SEC24B: variants seen among roughly 807,000 people sequenced by gnomAD.
SEC24B encodes the protein SEC24 homolog B, COPII component.
SEC24B carries 45 observed loss-of-function variants against 142.8 expected under a neutral mutation model. The ratio of observed to expected loss-of-function variants is 0.32; its 90% CI spans 0.25 to 0.40. SEC24B has a LOEUF of 0.40. Ranked by LOEUF, SEC24B falls within the 10% of genes least tolerant of loss-of-function variation. The pLI is 1.00. For synonymous variants in SEC24B, 574 were observed against 568.2 expected, an observed-to-expected ratio of 1.01 and a Z score of -0.15; for missense variants, 1,409 against 1,526.8, an observed-to-expected ratio of 0.92 and a Z score of 1.29.
intron 6 of SEC24B, among the ~76,000 whole-genome samples, chr4:109,499,397 C>A (rs1217462558): frequency 1.3e-5 from 2 of 152,032 alleles, no homozygotes; most frequent in Admixed American, 6.5e-5. Flanking sequence ...CTTCTGTGAT[C>A]CCAGTTAAGA....
chr4:109,494,779 C>G lies in SEC24B; in HGVS notation c.1411C>G (p.Gln471Glu). The G allele has an allele frequency of 6.2e-7, 1 of 1,614,178 alleles. No homozygotes were observed. The highest frequency in any genetic ancestry group is 2.2e-5 in the East Asian group (1 of 44,880). The change falls in exon 6 of 24, where the codon CAG becomes GAG. Residue 471 changes from glutamine (Q) to glutamate (E), a missense_variant. By Grantham distance (29) the Gln-to-Glu change is conservative. Coordinates refer to ENST00000265175, the MANE Select transcript of SEC24B (RefSeq NM_006323.5). Reference protein sequence around the residue: ...YGYPTLQPGYQNATAPLISGV... With the variant: ...YGYPTLQPGYENATAPLISGV... ...CTATCCAACACTTCAGCCTGGTTAT[C>G]AGAATGCTACAGCACCACTTATTTC...
intron 1 of SEC24B, among the ~76,000 whole-genome samples, chr4:109,458,218 T>G (rs1460213517): frequency 2.0e-5 from 3 of 152,218 alleles, no homozygotes; most frequent in Admixed American, 6.5e-5. Context: ...TTTATTTGTT[T>G]TATTTTGAAT....
At chr4:109,450,286 A>G (rs1053628996) in intron 1 of SEC24B, among the ~76,000 whole-genome samples, 9 of 152,178 alleles carry the variant, frequency 5.9e-5, no homozygotes, top group Non-Finnish European at 1.0e-4. Flanking sequence ...TTGTGGGCTT[A>G]TGTTCAAATC....
chr4:109,534,410 C>G (rs545705036), intron 22 of SEC24B, among the ~76,000 whole-genome samples: 2 of 151,878 alleles, frequency 1.3e-5, no homozygotes, highest in South Asian at 4.2e-4. Flanking sequence ...CACGGTGAAA[C>G]CCCATCTCTA....
intron 19 of SEC24B, among the ~76,000 whole-genome samples, 199 bp from the exon 20 acceptor site, chr4:109,531,186 A>G (rs537909103): frequency 1.3e-5 from 2 of 152,208 alleles, no homozygotes; most frequent in African/African-American, 4.8e-5. Flanking sequence ...TATTTTTCTC[A>G]TGATGACAGT....
chr4:109,521,464 T>C lies in SEC24B; in HGVS notation c.2346T>C (p.Asn782=). The C allele has an allele frequency of 1.9e-6, 3 of 1,614,166 alleles. No homozygotes were observed. Among genetic ancestry groups the C allele is most frequent in the Non-Finnish European group, 2.5e-6 (3 of 1,180,020 alleles). The change falls in exon 14 of 24, where the codon AAT becomes AAC. Residue 782 remains asparagine (N), a synonymous_variant. Coordinates refer to ENST00000265175, the MANE Select transcript of SEC24B (RefSeq NM_006323.5). The stretch of plus-strand genomic sequence containing the variant: ...ATGCATTACCAAACATGTTCACCAA[T>C]ACAAGAGAAACACACAGTGCCCTTG... The part of the protein sequence containing the change: ...LLNALPNMFT[N]TRETHSALGP...
intron 2 of SEC24B, among the ~76,000 whole-genome samples, chr4:109,468,008 G>A (rs905403350): frequency 6.6e-6 from 1 of 152,212 alleles, no homozygotes; most frequent in African/African-American, 2.4e-5. Context: ...TATAGTCACT[G>A]ATAAGTTAAT....
intron 1 of SEC24B, among the ~76,000 whole-genome samples, chr4:109,452,773 A>T (rs921526692): frequency 6.6e-6 from 1 of 152,158 alleles, no homozygotes; most frequent in African/African-American, 2.4e-5. Flanking sequence ...TTCTTAGTGT[A>T]TTCTGGATAC....
intron 6 of SEC24B, among the ~76,000 whole-genome samples, chr4:109,497,621 C>CAT (rs1735669712): frequency 1.3e-5 from 2 of 151,142 alleles, no homozygotes; most frequent in East Asian, 3.9e-4. Flanking sequence ...TTTTGCTCAA[C>CAT]ATTATGCTTA....
chr4:109,449,455 C>T (rs1333916676), intron 1 of SEC24B: 1 of 448,350 alleles, frequency 2.2e-6, no homozygotes, highest in South Asian at 1.6e-5. Flanking sequence ...TAGTCTTGAA[C>T]TCCTGGACCC....
At chr4:109,435,492 G>T (rs1233536847) in intron 1 of SEC24B, among the ~76,000 whole-genome samples, 2 of 152,180 alleles carry the variant, frequency 1.3e-5, no homozygotes, top group Non-Finnish European at 2.9e-5. Context: ...GTGATTCAAG[G>T]ATTGTGTCTT....
intron 14 of SEC24B, among the ~76,000 whole-genome samples, chr4:109,521,920 C>T (rs932204771): frequency 1.1e-4 from 17 of 151,516 alleles, no homozygotes; most frequent in Non-Finnish European, 1.8e-4. Flanking sequence ...TTAGTAGAGA[C>T]GGGGGTTTCA....
chr4:109,500,890 C>T (rs941490490), intron 6 of SEC24B, among the ~76,000 whole-genome samples: 3 of 152,090 alleles, frequency 2.0e-5, no homozygotes, highest in Admixed American at 6.5e-5. Flanking sequence ...AACTCTGGAC[C>T]TCAGGTGATC....
intron 2 of SEC24B, among the ~76,000 whole-genome samples, chr4:109,468,650 G>A (rs1432044542): frequency 6.6e-6 from 1 of 152,198 alleles, no homozygotes; most frequent in Non-Finnish European, 1.5e-5. Context: ...AAACGAGCTG[G>A]AAAGGAATTA....
intron 4 of SEC24B, among the ~76,000 whole-genome samples, chr4:109,482,975 T>TACACACACACACAC (rs1213872850): frequency 1.8e-5 from 1 of 54,976 alleles, no homozygotes; most frequent in African/African-American, 9.3e-5. Flanking sequence ...TATATATATA[T>TACACACACACACAC]ATATACACAC....
intron 5 of SEC24B, among the ~76,000 whole-genome samples, chr4:109,491,623 T>G (rs2126003999): frequency 6.6e-6 from 1 of 152,348 alleles, no homozygotes; most frequent in East Asian, 1.9e-4. Flanking sequence ...GTTATAATAC[T>G]CTTTATCTTT....
At chr4:109,460,287 C>T (rs1362386644) in intron 1 of SEC24B, among the ~76,000 whole-genome samples, 1 of 152,056 alleles carries the variant, frequency 6.6e-6, no homozygotes. Flanking sequence ...CTTTTATAAA[C>T]AAGTATTTTA....
Position 109,506,453 on chromosome 4 carries a change from T to C in SEC24B, c.1614T>C (p.Pro538=), listed in dbSNP as rs778617519. ...TQERNILPMT[P]VWAPVPNLNA... ...AGAGGAATATTTTACCTATGACTCC[T>C]GTTTGGGCTCCTGTACCTAACTTGA... is the stretch of plus-strand genomic sequence containing the variant. The change falls in exon 7 of 24, where the codon CCT becomes CCC. Residue 538 remains proline, a synonymous_variant. Transcript: ENST00000265175. 1.9e-6 allele frequency: 3 copies of C among 1,609,160 alleles called. No homozygotes were observed. In the Admixed American group the frequency reaches 5.0e-5, roughly 27 times the overall value.
Position 109,447,336 on chromosome 4 carries a change from T to TA in SEC24B, c.133+13343dup, listed in dbSNP as rs201201750. On this transcript the variant is annotated intron_variant, in intron 1 of 23. Transcript: ENST00000265175. Reference sequence around the variant, plus strand: ...GGAATTACACTTTGAACACTTGTATTAAAAAAAAAGTTTCAAAAAAGGTAT... The same window carrying TA: ...GGAATTACACTTTGAACACTTGTATTAAAAAAAAAAGTTTCAAAAAAGGTAT... Among the ~76,000 whole-genome samples, 24 of 69,478 alleles carry TA rather than the reference T, an allele frequency of 3.5e-4. No homozygotes were observed. The South Asian group carries it at 8.4e-3, about 24-fold the overall frequency. The allele number at this position is 69,478 out of a possible 152,430, so 45.6% of individuals were successfully genotyped here. A position where few individuals can be genotyped will look rare whatever the true frequency, so the allele number is the denominator to read the frequency against.
Sources: allele counts gnomAD v4.1 joint callset (sites outside exome capture counted in the v4.1 genomes callset), GRCh38; gene constraint gnomAD v4.1.1; transcripts MANE v1.5; gene names NCBI Gene and HGNC (gene_info 2026-07-23, HGNC 2026-07-21).